RAP1GAP2: variants seen among roughly 807,000 people sequenced by gnomAD.
The protein encoded by RAP1GAP2 is RAP1 GTPase activating protein 2.
RAP1GAP2 carries 27 observed loss-of-function variants against 95.0 expected under a neutral mutation model. The observed-to-expected ratio is 0.28, with a 90% CI of 0.21 to 0.39. The LOEUF (loss-of-function observed/expected upper bound fraction) is 0.39. Among genes scored for constraint, RAP1GAP2 ranks in the 10% least tolerant of loss-of-function variants. RAP1GAP2 has a pLI of 1.00. For synonymous variants in RAP1GAP2, 373 were observed against 380.9 expected (o/e 0.98, Z 0.24); for missense variants, 771 against 970.0 (o/e 0.79, Z 2.72).
intron 2 of RAP1GAP2, among the ~76,000 whole-genome samples, chr17:2,801,357 C>A (rs1407485489): frequency 6.6e-6 from 1 of 151,310 alleles, no homozygotes; most frequent in Non-Finnish European, 1.5e-5. Context: ...TGCCTGTAAT[C>A]CCAGATACTC....
intron 2 of RAP1GAP2, among the ~76,000 whole-genome samples, chr17:2,844,210 T>C (rs1021121007): frequency 1.3e-5 from 2 of 151,956 alleles, no homozygotes; most frequent in South Asian, 2.1e-4. Flanking sequence ...TTAGTAGAGA[T>C]GGTGTTTCGC....
Position 2,866,965 on chromosome 17 carries a change from A to G in RAP1GAP2, c.81-38319A>G, listed in dbSNP as rs149834290. 1.9e-3 allele frequency among the ~76,000 whole-genome samples: 293 copies of G among 152,060 alleles called. 1 individual carries two copies. Among genetic ancestry groups the G allele is most frequent in the African/African-American group, 6.8e-3 (281 of 41,448 alleles). Reference sequence around the variant, plus strand: ...ACCCAGGCTGGAGTGCAGTGGTACAATCTCGGCTCACTGCAACCTCCACCT... The same window carrying G: ...ACCCAGGCTGGAGTGCAGTGGTACAGTCTCGGCTCACTGCAACCTCCACCT... On this transcript the variant is annotated intron_variant, in intron 2 of 24. Coordinates refer to ENST00000254695, the MANE Select transcript of RAP1GAP2 (RefSeq NM_015085.5). The surrounding 1 kb of genome is among the most constrained non-coding windows in gnomAD (Gnocchi z 4.0).
At chr17:2,873,305 C>CAAAAA (rs377575894) in intron 2 of RAP1GAP2, among the ~76,000 whole-genome samples, 2 of 95,564 alleles carry the variant, frequency 2.1e-5, no homozygotes, top group African/African-American at 8.2e-5. Context: ...ACCAAAAATA[C>CAAAAA]AAAAAAAAAA....
intron 2 of RAP1GAP2, among the ~76,000 whole-genome samples, chr17:2,891,814 CTTTTTTTTTTTTTTT>C (rs917540694): frequency 1.8e-5 from 1 of 54,288 alleles, no homozygotes; most frequent in African/African-American, 7.0e-5. Flanking sequence ...TATTTCTTTT[CTTTTTTTTTTTTTTT>C]TTTTTTTTTT....
In RAP1GAP2 at chr17:2,904,713, A is replaced by G. The variant is rs2042143082; in HGVS notation, c.81-571A>G. 6.6e-6 allele frequency among the ~76,000 whole-genome samples: 1 copy of G among 152,070 alleles called. No individual in the cohort carries two copies. On this transcript the variant is annotated intron_variant, in intron 2 of 24. Coordinates refer to ENST00000254695, the MANE Select transcript of RAP1GAP2 (RefSeq NM_015085.5). The surrounding 1 kb of genome is among the most constrained non-coding windows in gnomAD (Gnocchi z 4.7). The stretch of plus-strand genomic sequence containing the variant: ...TGACCTGGAGAGCTCGTTGGAGCGC[A>G]GGTTCCTGGGCTCATCACTGGAGAG...
rs2068878557 is a variant in RAP1GAP2, at chr17:2,789,801, A to AC, written c.-13-10714_-13-10713insC. 2.0e-5 allele frequency among the ~76,000 whole-genome samples: 3 copies of AC among 150,986 alleles called. No individual in the cohort carries two copies. The South Asian group carries it at 6.3e-4, about 32-fold the overall frequency. On this transcript the variant is annotated intron_variant, in intron 1 of 24. Transcript: ENST00000540393. ...CATCTGAAAAAAAAAAAAAAAAAAAAAGTAAATAAATAAATTGTGCAATTG... is the reference window on the plus strand; with the variant it reads ...CATCTGAAAAAAAAAAAAAAAAAAAACAGTAAATAAATAAATTGTGCAATTG...
chr17:2,960,198 TGCTGG>T (rs896937549), intron 4 of RAP1GAP2, among the ~76,000 whole-genome samples: 2 of 150,274 alleles, frequency 1.3e-5, no homozygotes, highest in African/African-American at 4.9e-5. Context: ...GAGGGCCCCG[TGCTGG>T]GCAGTGGCTC....
chr17:2,870,613 C>T lies in RAP1GAP2; in HGVS notation c.81-34671C>T, dbSNP rs188025200. Among the ~76,000 whole-genome samples the T allele has an allele frequency of 3.7e-4, 57 of 152,214 alleles. 1 individual carries two copies. The highest frequency in any genetic ancestry group is 3.9e-4 in the East Asian group (2 of 5,180). ...TTCTATGCAAAAGCACACCCTTTCA[C>T]GTAATATACTTACATCTGCATCTAC... On this transcript the variant is annotated intron_variant, in intron 2 of 24. Transcript: ENST00000254695. This position sits in a 1 kb window ranked among gnomAD's most constrained non-coding sequence, Gnocchi z 4.4.
rs2151668889 is a variant in RAP1GAP2, at chr17:2,881,505, G to A, written c.81-23779G>A. 2.0e-5 allele frequency among the ~76,000 whole-genome samples: 3 copies of A among 152,320 alleles called. No individual in the cohort carries two copies. The Middle Eastern group carries it at 0.01, about 518-fold the overall frequency. ...TCATTCCTTTTCAGGGTTGAATAAT[G>A]TTCCTTTGTGTTGGTGTGCCACGTT... On this transcript the variant is annotated intron_variant, in intron 2 of 24. Transcript: ENST00000254695.
At chr17:2,884,372 GTTTT>G (rs72123618) in intron 2 of RAP1GAP2, among the ~76,000 whole-genome samples, 1 of 123,728 alleles carries the variant, frequency 8.1e-6, no homozygotes, top group Non-Finnish European at 1.7e-5. Context: ...TTCTTGAGTT[GTTTT>G]TTTTTTTTTT....
At chr17:2,793,917 A>G (rs2068996721), upstream of RAP1GAP2, among the ~76,000 whole-genome samples, 1 of 151,920 alleles carries the variant, frequency 6.6e-6, no homozygotes, top group African/African-American at 2.4e-5. Flanking sequence ...CCTGGCCAAC[A>G]TGGTGAAACC....
intron 2 of RAP1GAP2, among the ~76,000 whole-genome samples, chr17:2,888,279 G>A (rs1186157932): frequency 1.3e-5 from 2 of 152,096 alleles, no homozygotes; most frequent in African/African-American, 2.4e-5. Context: ...TATTGGGAAC[G>A]TTCAAAATCT....
rs528046549 is a variant in RAP1GAP2 at position 2,778,226 on chromosome 17, A to G, written c.-14+948A>G. 1.1e-3 allele frequency among the ~76,000 whole-genome samples: 160 copies of G among 150,246 alleles called. 1 individual carries two copies. The highest frequency in any genetic ancestry group is 3.7e-3 in the African/African-American group (151 of 40,902). Reference sequence around the variant, plus strand: ...GTTGGATTTGGCTGCTCAGGCTTCAAGAAGCTGCCTCTGGTCCCTCCTTCT... The same window carrying G: ...GTTGGATTTGGCTGCTCAGGCTTCAGGAAGCTGCCTCTGGTCCCTCCTTCT... On this transcript the variant is annotated intron_variant, in intron 1 of 24. Transcript: ENST00000540393.
rs371902396 is a variant in RAP1GAP2 at position 2,857,508 on chromosome 17, C to T, written c.81-47776C>T. ...TGGTGATCATCATGTTGGACTTGAC[C>T]GTGCTCTACGGGAGCTGTGGGGCAG... is the stretch of plus-strand genomic sequence containing the variant. On this transcript the variant is annotated intron_variant, in intron 2 of 24. Transcript: ENST00000254695. This position sits in a 1 kb window ranked among gnomAD's most constrained non-coding sequence, Gnocchi z 4.0. 2.0e-5 allele frequency among the ~76,000 whole-genome samples: 3 copies of T among 152,136 alleles called. No individual in the cohort carries two copies. Among genetic ancestry groups the T allele is most frequent in the South Asian group, 2.1e-4 (1 of 4,822 alleles).
chr17:2,911,295 G>A (rs1370782405), intron 3 of RAP1GAP2, among the ~76,000 whole-genome samples: 2 of 137,888 alleles, frequency 1.5e-5, no homozygotes, highest in Non-Finnish European at 3.0e-5. Flanking sequence ...CTGATAAAAA[G>A]CAACCAAAGA....
intron 2 of RAP1GAP2, among the ~76,000 whole-genome samples, chr17:2,805,798 C>T (rs924285773): frequency 3.3e-5 from 5 of 152,018 alleles, no homozygotes; most frequent in Non-Finnish European, 5.9e-5. Context: ...TGCATGGGCT[C>T]CAGCTACCTG....
chr17:3,006,559 G>A (rs7208896), intron 16 of RAP1GAP2, among the ~76,000 whole-genome samples: 22,381 of 148,828 alleles, frequency 0.15, 1,922 homozygotes, highest in Middle Eastern at 0.26. Context: ...TCAGCCTCCC[G>A]AGTAGCTGGG....
rs552834765 is a variant in RAP1GAP2, at chr17:2,991,358, A to T, written c.875A>T (p.Asp292Val). Residue 292 changes from aspartate to valine, a missense_variant, in exon 12 of 25, where the codon GAC becomes GTC. Coordinates refer to ENST00000254695, the MANE Select transcript of RAP1GAP2 (RefSeq NM_015085.5). ...EESPAFKEFLDLLGDTITLQD... is the reference protein window; with the variant it reads ...EESPAFKEFLVLLGDTITLQD... Reference sequence around the variant, plus strand: ...AGCCCAGCTTTTAAGGAGTTCTTGGACCTGCTGGGGGACACGATCACACTG... The same window carrying T: ...AGCCCAGCTTTTAAGGAGTTCTTGGTCCTGCTGGGGGACACGATCACACTG... The T allele has an allele frequency of 6.2e-7, 1 of 1,605,868 alleles. No individual in the cohort carries two copies. The highest frequency in any genetic ancestry group is 2.2e-5 in the East Asian group (1 of 44,738).
chr17:2,993,321 C>T (rs910250616), intron 12 of RAP1GAP2, among the ~76,000 whole-genome samples: 1 of 151,928 alleles, frequency 6.6e-6, no homozygotes, highest in Non-Finnish European at 1.5e-5. Flanking sequence ...CGCCTATAAC[C>T]CCAGCACTTT....
Sources: gnomAD v4.1 joint callset for allele counts (sites outside exome capture counted in the v4.1 genomes callset) on GRCh38, gnomAD v4.1.1 for gene constraint, Gnocchi (gnomAD v3.1) non-coding constraint, MANE v1.5 for transcripts, NCBI Gene and HGNC (gene_info 2026-07-23, HGNC 2026-07-21) for gene names.